The following CALN1 variants were observed in gnomAD, a reference collection of about 807,000 sequenced individuals.
The protein encoded by CALN1 is calcium-binding protein 8.
A neutral mutation model predicts 30.6 loss-of-function variants in CALN1; 17 were observed. That is an observed-to-expected ratio of 0.56 (90% confidence interval 0.38 to 0.83). The LOEUF (loss-of-function observed/expected upper bound fraction) is 0.83, where lower values mean the gene tolerates loss of function less well. CALN1 is among the 40% of genes least tolerant of loss of function. CALN1 has a pLI of 0.00. For synonymous variants in CALN1, 156 were observed against 131.4 expected, an observed-to-expected ratio of 1.19 and a Z score of -1.28; for missense variants, 291 against 354.9, an observed-to-expected ratio of 0.82 and a Z score of 1.45.
chr7:72,032,052 CTTTT>C (rs1184047697), intron 4 of CALN1, among the ~76,000 whole-genome samples: 37 of 66,570 alleles, frequency 5.6e-4, no homozygotes, highest in South Asian at 1.7e-3. Flanking sequence ...TGGCTCCTGG[CTTTT>C]TTTTTTTTTT....
intron 3 of CALN1, among the ~76,000 whole-genome samples, chr7:72,262,914 G>A (rs758233492): frequency 7.2e-5 from 11 of 152,176 alleles, no homozygotes; most frequent in Non-Finnish European, 1.5e-4. Flanking sequence ...ATCCTTATGC[G>A]CTTAGAGCTA....
At chr7:72,399,034 G>T (rs1324902721) in intron 2 of CALN1, among the ~76,000 whole-genome samples, 2 of 152,038 alleles carry the variant, frequency 1.3e-5, no homozygotes, top group African/African-American at 4.8e-5. Flanking sequence ...ACTCCCTTGT[G>T]AGAACTTTGA....
At chr7:72,355,369 T>C (rs1054448113) in intron 2 of CALN1, among the ~76,000 whole-genome samples, 6 of 150,314 alleles carry the variant, frequency 4.0e-5, no homozygotes, top group Admixed American at 1.3e-4. Flanking sequence ...CTACTAAAAA[T>C]ACAAAAATTA....
intron 3 of CALN1, among the ~76,000 whole-genome samples, chr7:72,174,088 T>C (rs184544868): frequency 2.6e-5 from 4 of 151,302 alleles, no homozygotes; most frequent in Admixed American, 2.6e-4. Context: ...AGCTAAAAAA[T>C]AAAAGAGGCT....
chr7:72,150,722 T>G lies in CALN1; in HGVS notation c.245-44428A>C, dbSNP rs139577704. On this transcript the variant is annotated intron_variant, in intron 3 of 6. Transcript: ENST00000395275. ...AGCCATATATACTCTTGGGCAAGTT[T>G]CTTCCTTCTGTGTGTCTCAGTTTTT... Among the ~76,000 whole-genome samples, 55 of 152,362 alleles carry G rather than the reference T, an allele frequency of 3.6e-4. 1 individual carries two copies. The East Asian group carries it at 8.7e-3, about 24-fold the overall frequency.
intron 5 of CALN1, among the ~76,000 whole-genome samples, chr7:71,943,257 AC>A (rs1259608213): frequency 6.6e-6 from 1 of 152,162 alleles, no homozygotes; most frequent in African/African-American, 2.4e-5. Context: ...TAAAACACAC[AC>A]GCGAAACAAC....
intron 3 of CALN1, among the ~76,000 whole-genome samples, chr7:72,134,230 T>C (rs543094376): frequency 6.6e-6 from 1 of 152,366 alleles, no homozygotes; most frequent in South Asian, 2.1e-4. Context: ...CCATTCCTGC[T>C]GGCACCTTGA....
At chr7:72,006,213 TC>T (rs1799765627) in intron 5 of CALN1, among the ~76,000 whole-genome samples, 1 of 152,178 alleles carries the variant, frequency 6.6e-6, no homozygotes, top group Non-Finnish European at 1.5e-5. Flanking sequence ...CAAATTTTCT[TC>T]CAGGAAAAAT....
intron 2 of CALN1, among the ~76,000 whole-genome samples, chr7:72,322,207 T>C (rs1243564209): frequency 6.6e-6 from 1 of 152,148 alleles, no homozygotes; most frequent in Non-Finnish European, 1.5e-5. Flanking sequence ...CATCAGGCAT[T>C]AGACTCTCAT....
intron 4 of CALN1, among the ~76,000 whole-genome samples, chr7:72,036,160 C>G (rs844672): frequency 1.3e-5 from 2 of 151,982 alleles, no homozygotes; most frequent in Non-Finnish European, 2.9e-5. Context: ...TCATTTTGAA[C>G]ATATCAGCCC....
chr7:72,383,136 C>T (rs1805012011), intron 2 of CALN1, among the ~76,000 whole-genome samples: 1 of 152,126 alleles, frequency 6.6e-6, no homozygotes, highest in Non-Finnish European at 1.5e-5. Flanking sequence ...TGTATGTGTA[C>T]CACATTTTCT....
chr7:72,012,214 T>A (rs1800120516), intron 5 of CALN1, among the ~76,000 whole-genome samples: 1 of 152,106 alleles, frequency 6.6e-6, no homozygotes, highest in African/African-American at 2.4e-5. Context: ...TTTGAAGCAA[T>A]TTTTTAAAAT....
intron 2 of CALN1, among the ~76,000 whole-genome samples, chr7:72,347,537 G>GT (rs1802711462): frequency 6.6e-6 from 1 of 151,982 alleles, no homozygotes; most frequent in Admixed American, 6.6e-5. Flanking sequence ...AAGTGCTGGG[G>GT]TTACAGGGGT....
chr7:72,335,861 G>A (rs1203324478), intron 2 of CALN1, among the ~76,000 whole-genome samples: 2 of 152,164 alleles, frequency 1.3e-5, no homozygotes, highest in Non-Finnish European at 2.9e-5. Context: ...GGCGTCCCCC[G>A]CTCGCCCTCG....
At chr7:71,878,992 C>T (rs535777087) in intron 5 of CALN1, among the ~76,000 whole-genome samples, 1 of 152,222 alleles carries the variant, frequency 6.6e-6, no homozygotes, top group African/African-American at 2.4e-5. Context: ...GCAGTTTTGA[C>T]GATGGCAGTG....
intron 4 of CALN1, among the ~76,000 whole-genome samples, chr7:72,087,134 A>C (rs1354759535): frequency 6.6e-6 from 1 of 152,246 alleles, no homozygotes; most frequent in East Asian, 1.9e-4. Context: ...AGTACTATTA[A>C]AGTCAGAAAC....
chr7:72,181,101 C>CCA (rs1554308623), intron 3 of CALN1, among the ~76,000 whole-genome samples: 1 of 83,454 alleles, frequency 1.2e-5, no homozygotes, highest in East Asian at 4.7e-4. Context: ...GCATAACCCC[C>CCA]CCCCCCCCCA....
chr7:72,230,379 C>T (rs1055837948), intron 3 of CALN1, among the ~76,000 whole-genome samples: 3 of 137,796 alleles, frequency 2.2e-5, no homozygotes, highest in African/African-American at 8.1e-5. Context: ...TGGTAGCATA[C>T]ACCTGCAGTT....
At chr7:72,124,396 C>T (rs889400762) in intron 3 of CALN1, among the ~76,000 whole-genome samples, 9 of 152,190 alleles carry the variant, frequency 5.9e-5, no homozygotes, top group Admixed American at 3.9e-4. Flanking sequence ...GATGACACTT[C>T]GGGAGGCCAA....
Sources: allele counts gnomAD v4.1 joint callset (sites outside exome capture counted in the v4.1 genomes callset), GRCh38; gene constraint gnomAD v4.1.1; transcripts MANE v1.5; gene names NCBI Gene and HGNC (gene_info 2026-07-23, HGNC 2026-07-21).